Variants in ITSN1 observed in about 807,000 individuals in gnomAD.
ITSN1 encodes intersectin 1.
A neutral mutation model predicts 239.8 loss-of-function variants in ITSN1; 58 were observed. The observed-to-expected ratio is 0.24, with a 90% CI of 0.20 to 0.30. The LOEUF (loss-of-function observed/expected upper bound fraction) is 0.30. Among genes scored for constraint, ITSN1 ranks in the 10% least tolerant of loss-of-function variants. ITSN1 has a pLI of 1.00. For synonymous variants in ITSN1, 780 were observed against 770.8 expected (o/e 1.01, Z -0.20); for missense variants, 1,558 against 2,103.3 (o/e 0.74, Z 5.07).
At chr21:33,810,512 C>G (rs1271073632) in intron 20 of ITSN1, among the ~76,000 whole-genome samples, 2 of 151,926 alleles carry the variant, frequency 1.3e-5, no homozygotes, top group Non-Finnish European at 2.9e-5. Flanking sequence ...CTTCCTTGTC[C>G]TTATACTGAA....
intron 1 of ITSN1, among the ~76,000 whole-genome samples, chr21:33,705,307 T>G: frequency 6.6e-6 from 1 of 152,262 alleles, no homozygotes; most frequent in East Asian, 1.9e-4. Flanking sequence ...ATAGAAATGA[T>G]AATCTGATTA....
intron 20 of ITSN1, among the ~76,000 whole-genome samples, chr21:33,803,266 G>C (rs908739545): frequency 2.0e-5 from 3 of 152,216 alleles, no homozygotes; most frequent in Non-Finnish European, 4.4e-5. Context: ...ATTTGGCAGT[G>C]CCTGTTTAGA....
At chr21:33,675,744 C>A (rs925006468) in intron 1 of ITSN1, among the ~76,000 whole-genome samples, 1 of 152,172 alleles carries the variant, frequency 6.6e-6, no homozygotes, top group African/African-American at 2.4e-5. Context: ...TCATTCACTT[C>A]TTTTACTGAT....
At chr21:33,746,804 T>C (rs2067211116) in intron 5 of ITSN1, among the ~76,000 whole-genome samples, 1 of 152,086 alleles carries the variant, frequency 6.6e-6, no homozygotes, top group Middle Eastern at 3.4e-3. Flanking sequence ...ATTGCGCCAT[T>C]ATACTCCAGC....
intron 5 of ITSN1, among the ~76,000 whole-genome samples, chr21:33,738,494 C>G (rs112108948): frequency 5.3e-4 from 80 of 151,916 alleles, no homozygotes; most frequent in African/African-American, 1.8e-3. Context: ...CTCCGCCTCT[C>G]GAGTTCAAGC....
At chr21:33,850,539 G>A (rs898326906) in intron 29 of ITSN1, among the ~76,000 whole-genome samples, 7 of 152,208 alleles carry the variant, frequency 4.6e-5, no homozygotes, top group African/African-American at 1.4e-4. Flanking sequence ...ATCCAAGTTG[G>A]CCTGGGACTC....
intron 33 of ITSN1, among the ~76,000 whole-genome samples, chr21:33,870,990 C>G (rs1033802471): frequency 6.6e-6 from 1 of 152,046 alleles, no homozygotes; most frequent in African/African-American, 2.4e-5. Flanking sequence ...AGCCATGTTC[C>G]CTACATGATG....
chr21:33,768,316 C>CT (rs1218324779), intron 11 of ITSN1, among the ~76,000 whole-genome samples: 1 of 152,164 alleles, frequency 6.6e-6, no homozygotes, highest in Non-Finnish European at 1.5e-5. Context: ...GAGTCTCACT[C>CT]TGTTACCCAG....
chr21:33,835,542 A>G (rs1418682346), intron 28 of ITSN1, among the ~76,000 whole-genome samples: 3 of 152,180 alleles, frequency 2.0e-5, no homozygotes, highest in Admixed American at 2.0e-4. Context: ...AGCTTGAGAG[A>G]AAATGAGAAA....
At position 33,733,156 on chromosome 21, in the gene ITSN1, T is replaced by C. The variant is rs1473115330; in HGVS notation, c.186-1888T>C. Among the ~76,000 whole-genome samples the C allele has an allele frequency of 2.0e-5, 3 of 152,150 alleles. No homozygotes were observed. The South Asian group carries it at 6.2e-4, about 31-fold the overall frequency. On this transcript the variant is annotated intron_variant, in intron 4 of 39. Transcript: ENST00000381318. ...TCCCAGACCTTCCCGGATCACAATA[T>C]ACCAGAGAGCCAGTGTGATCAAATC...
intron 8 of ITSN1, among the ~76,000 whole-genome samples, chr21:33,755,759 A>G (rs2067861726): frequency 6.6e-6 from 1 of 152,144 alleles, no homozygotes; most frequent in South Asian, 2.1e-4. Context: ...ACTAGGTTAG[A>G]GTTGGAGGCA....
chr21:33,898,184 C>G lies in ITSN1; in HGVS notation c.*9884C>G, dbSNP rs1411044039. ...TGACGCAGCTATCCCACTAGAGAGG[C>G]CACTCTCTGACTTCCAGGTCGCCCT... On this transcript the variant is annotated 3_prime_UTR_variant, in exon 40 of 40. Coordinates refer to ENST00000381318, the MANE Select transcript of ITSN1 (RefSeq NM_003024.3). 1 of 152,196 alleles carries G rather than the reference C, an allele frequency of 6.6e-6. No homozygotes were observed. Among genetic ancestry groups the G allele is most frequent in the Non-Finnish European group, 1.5e-5 (1 of 68,040 alleles). 9.4% of individuals were successfully genotyped at this position (152,196 alleles called of 1,614,324 possible). A position where few individuals can be genotyped will look rare whatever the true frequency, so the allele number is the denominator to read the frequency against.
chr21:33,646,858 C>T (rs1036441277), intron 1 of ITSN1, among the ~76,000 whole-genome samples: 6 of 151,976 alleles, frequency 3.9e-5, no homozygotes, highest in African/African-American at 1.5e-4. Flanking sequence ...TGGTGGTGTG[C>T]GTCTATAGTC....
chr21:33,766,744 T>C (rs1392513846), intron 10 of ITSN1, among the ~76,000 whole-genome samples: 2 of 152,182 alleles, frequency 1.3e-5, no homozygotes, highest in African/African-American at 4.8e-5. Flanking sequence ...CTGAGGAAAC[T>C]GTGACTATGT....
intron 29 of ITSN1, among the ~76,000 whole-genome samples, chr21:33,843,100 G>T (rs546630417): frequency 6.6e-6 from 1 of 152,254 alleles, no homozygotes; most frequent in South Asian, 2.1e-4. Flanking sequence ...TGAGCATAAG[G>T]CCTGCACCTA....
chr21:33,668,062 G>A (rs899799742), intron 1 of ITSN1, among the ~76,000 whole-genome samples: 7 of 152,102 alleles, frequency 4.6e-5, no homozygotes, highest in African/African-American at 1.7e-4. Context: ...CTAGAGATTG[G>A]CTCCACTTAT....
chr21:33,725,187 T>G lies in ITSN1; in HGVS notation c.185+2536T>G, dbSNP rs560952886. Among the ~76,000 whole-genome samples the G allele has an allele frequency of 2.1e-5, 3 of 139,790 alleles. No homozygotes were observed. The South Asian group carries it at 7.0e-4, about 32-fold the overall frequency. 91.7% of individuals were successfully genotyped at this position (139,790 alleles called of 152,430 possible). Reference sequence around the variant, plus strand: ...TTTTGCCCTTGTTGTCCAGGCTGGATTGCAATGGCACGATCTTAGCTCACT... The same window carrying G: ...TTTTGCCCTTGTTGTCCAGGCTGGAGTGCAATGGCACGATCTTAGCTCACT... On this transcript the variant is annotated intron_variant, in intron 4 of 39. Transcript: ENST00000381318.
chr21:33,642,509 G>C lies in ITSN1; in HGVS notation c.-237G>C, dbSNP rs2087474169. On this transcript the variant is annotated 5_prime_UTR_variant, in exon 1 of 40. Coordinates refer to ENST00000381318, the MANE Select transcript of ITSN1 (RefSeq NM_003024.3). ...GGGAGGGAGCGAAGGAGGTAGAGAA[G>C]AGTGGAGGCGCCAGGGGAGGGAGCG... The C allele has an allele frequency of 6.5e-6, 1 of 152,886 alleles. No individual in the cohort carries two copies. 9.5% of individuals were successfully genotyped at this position (152,886 alleles called of 1,614,324 possible). A position where few individuals can be genotyped will look rare whatever the true frequency, so the allele number is the denominator to read the frequency against.
rs1979906453 is a variant in ITSN1, at chr21:33,858,918, T to C, written c.3890+126T>C. On this transcript the variant is annotated intron_variant, in intron 31 of 39. Transcript: ENST00000381318. ...CTTCTTTCTGGCTTTTTTTTTTTCT[T>C]CTCATTGCCACTCACAAACACCATC... The C allele has an allele frequency of 1.3e-5, 7 of 529,790 alleles. No homozygotes were observed. The South Asian group carries it at 2.2e-4, about 17-fold the overall frequency. The allele number at this position is 529,790 out of a possible 1,614,324, so 32.8% of individuals were successfully genotyped here.
Sources: allele counts gnomAD v4.1 joint callset (sites outside exome capture counted in the v4.1 genomes callset), GRCh38; gene constraint gnomAD v4.1.1; transcripts MANE v1.5; gene names NCBI Gene and HGNC (gene_info 2026-07-23, HGNC 2026-07-21).